Variants in HERC2 observed in about 807,000 individuals in gnomAD.
HERC2 encodes HECT and RLD domain containing E3 ubiquitin protein ligase 2, also known as E3 ubiquitin-protein ligase HERC2.
A neutral mutation model predicts 537.7 loss-of-function variants in HERC2; 102 were observed. The observed-to-expected ratio is 0.19, with a 90% confidence interval of 0.16 to 0.22. The LOEUF (loss-of-function observed/expected upper bound fraction) is 0.22, where lower values mean the gene tolerates loss of function less well. Ranked by LOEUF, HERC2 falls within the 10% of genes least tolerant of loss-of-function variation. The probability of loss-of-function intolerance (pLI) is 1.00; values close to 1 mark genes in which losing one functional copy is unlikely to be tolerated. For synonymous variants in HERC2, 2,224 were observed against 2,466.2 expected (o/e 0.90, Z 2.91); for missense variants, 4,236 against 6,198.2 (o/e 0.68, Z 10.63).
intron 4 of HERC2, among the ~76,000 whole-genome samples, chr15:28,286,784 C>T (rs2076169133): frequency 6.6e-6 from 1 of 152,098 alleles, no homozygotes; most frequent in Non-Finnish European, 1.5e-5. Flanking sequence ...GCCAGCAAGC[C>T]CTTTTCATTA....
intron 8 of HERC2, 127 bp downstream of exon 8, chr15:28,272,767 A>G: frequency 1.6e-6 from 1 of 627,922 alleles, no homozygotes. Context: ...GCCCTGGGAC[A>G]TGGTTCTCCG....
At chr15:28,114,413 G>A (rs2142040720) in intron 90 of HERC2, among the ~76,000 whole-genome samples, 199 bp downstream of exon 90, 1 of 152,292 alleles carries the variant, frequency 6.6e-6, no homozygotes, top group South Asian at 2.1e-4. Flanking sequence ...TGGTATTCTG[G>A]TTAGAGCCAG....
intron 69 of HERC2, among the ~76,000 whole-genome samples, chr15:28,159,449 T>A (rs995813579): frequency 3.6e-4 from 55 of 152,320 alleles, no homozygotes; most frequent in Middle Eastern, 3.4e-3. Context: ...TTTATTCTTT[T>A]TTCTCTAAAC....
At chr15:28,225,017 A>C (rs1900973622) in intron 35 of HERC2, among the ~76,000 whole-genome samples, 1 of 152,248 alleles carries the variant, frequency 6.6e-6, no homozygotes, top group Non-Finnish European at 1.5e-5. Flanking sequence ...ATACTATGAA[A>C]GTCTGCATTT....
At chr15:28,139,067 T>C (rs1890929310) in intron 78 of HERC2, among the ~76,000 whole-genome samples, 1 of 152,234 alleles carries the variant, frequency 6.6e-6, no homozygotes, top group South Asian at 2.1e-4. Flanking sequence ...TAGACTATAG[T>C]ACTTTTATAT....
intron 90 of HERC2, among the ~76,000 whole-genome samples, chr15:28,114,275 G>T (rs1347249101): frequency 6.6e-6 from 1 of 152,226 alleles, no homozygotes; most frequent in African/African-American, 2.4e-5. Context: ...CACTCAAGCA[G>T]CCTGGAGGGG....
intron 45 of HERC2, among the ~76,000 whole-genome samples, chr15:28,205,045 A>G (rs1369322520): frequency 6.6e-6 from 1 of 152,080 alleles, no homozygotes; most frequent in African/African-American, 2.4e-5. Flanking sequence ...GGGGTGTGCC[A>G]CCATTGTATA....
chr15:28,169,675 T>C lies in HERC2; in HGVS notation c.10058-20A>G. The C allele has an allele frequency of 1.3e-6, 2 of 1,592,092 alleles. No homozygotes were observed. Among genetic ancestry groups the C allele is most frequent in the Non-Finnish European group, 1.7e-6 (2 of 1,169,498 alleles). ...GCACGCCTATAAGAGGAAAATAAAATTTGCATTGTTTTTAAAATCACAGTT... is the reference window on the plus strand; with the variant it reads ...GCACGCCTATAAGAGGAAAATAAAACTTGCATTGTTTTTAAAATCACAGTT... On this transcript the variant is annotated intron_variant, in intron 65 of 92. Transcript: ENST00000261609.
intron 20 of HERC2, among the ~76,000 whole-genome samples, chr15:28,253,466 G>A (rs761187216): frequency 1.1e-4 from 16 of 152,090 alleles, no homozygotes; most frequent in South Asian, 4.1e-4. Flanking sequence ...ACTGCACACC[G>A]CAATTTCTCT....
At chr15:28,262,897 A>G (rs2075453383) in intron 15 of HERC2, 21 bp downstream of exon 15, 2 of 1,606,886 alleles carry the variant, frequency 1.2e-6, no homozygotes, top group South Asian at 1.1e-5. Flanking sequence ...AAGGGTTTTA[A>G]AAGTTTACAT....
chr15:28,168,663 G>A (rs1894395765), intron 66 of HERC2, 73 bp from the exon 67 acceptor site: 8 of 1,416,468 alleles, frequency 5.6e-6, no homozygotes, highest in Admixed American at 2.4e-5. Flanking sequence ...GGAGAGGCAG[G>A]GCTAGCACGC....
intron 15 of HERC2, among the ~76,000 whole-genome samples, chr15:28,262,324 A>AG (rs1220651507): frequency 1.3e-5 from 2 of 152,146 alleles, no homozygotes; most frequent in Non-Finnish European, 2.9e-5. Context: ...GAAGAATCTC[A>AG]GGGTCTTCTT....
rs187965538 is a variant in HERC2 at position 28,227,381 on chromosome 15, T to A, written c.5464+837A>T. Among the ~76,000 whole-genome samples, 191 of 151,092 alleles carry A rather than the reference T, an allele frequency of 1.3e-3. 3 individuals carry two copies. Among genetic ancestry groups the A allele is most frequent in the African/African-American group, 4.3e-3 (178 of 41,092 alleles). Reference sequence around the variant, plus strand: ...CACAAACATGTAAAGAAGCTCAATGTCATTCATCATTAGTGAAATGCAAAT... The same window carrying A: ...CACAAACATGTAAAGAAGCTCAATGACATTCATCATTAGTGAAATGCAAAT... On this transcript the variant is annotated intron_variant, in intron 35 of 92. Coordinates refer to ENST00000261609, the MANE Select transcript of HERC2 (RefSeq NM_004667.6).
chr15:28,187,481 G>C (rs1896423510), intron 55 of HERC2, among the ~76,000 whole-genome samples: 1 of 151,902 alleles, frequency 6.6e-6, no homozygotes, highest in African/African-American at 2.4e-5. Flanking sequence ...ACAGGCACTT[G>C]CCACCACACC....
At chr15:28,252,818 T>C (rs1327510996) in intron 20 of HERC2, among the ~76,000 whole-genome samples, 1 of 152,204 alleles carries the variant, frequency 6.6e-6, no homozygotes, top group Non-Finnish European at 1.5e-5. Context: ...TGATAGAAAC[T>C]AGCTCTAAAA....
intron 4 of HERC2, among the ~76,000 whole-genome samples, chr15:28,284,885 C>A (rs1413249522): frequency 1.4e-5 from 2 of 142,798 alleles, no homozygotes; most frequent in Non-Finnish European, 3.0e-5. Context: ...CCACTTCACT[C>A]CTGCCTGGGC....
At chr15:28,236,241 G>C (rs1393034116) in intron 26 of HERC2, among the ~76,000 whole-genome samples, 3 of 152,120 alleles carry the variant, frequency 2.0e-5, no homozygotes, top group Non-Finnish European at 4.4e-5. Flanking sequence ...CTACCTGATT[G>C]AGTCTCACTA....
intron 35 of HERC2, among the ~76,000 whole-genome samples, chr15:28,225,151 G>A (rs1197559527): frequency 6.6e-6 from 1 of 152,162 alleles, no homozygotes; most frequent in East Asian, 1.9e-4. Flanking sequence ...ACTTTGGGAG[G>A]CTGAGGCAGG....
chr15:28,317,290 T>C (rs1265316733), intron 2 of HERC2, among the ~76,000 whole-genome samples: 2 of 152,206 alleles, frequency 1.3e-5, no homozygotes, highest in Admixed American at 6.5e-5. Flanking sequence ...GGTTTCACCA[T>C]GGGCGCCAGG....
Sources: gnomAD v4.1 joint callset for allele counts (sites outside exome capture counted in the v4.1 genomes callset) on GRCh38, gnomAD v4.1.1 for gene constraint, MANE v1.5 for transcripts, NCBI Gene and HGNC (gene_info 2026-07-23, HGNC 2026-07-21) for gene names.